The following EXOC6 variants were observed in gnomAD, a reference collection of about 807,000 sequenced individuals.
EXOC6 encodes the protein exocyst complex component 6.
A neutral mutation model predicts 112.5 loss-of-function variants in EXOC6; 60 were observed. The observed-to-expected ratio is 0.53, with a 90% CI of 0.43 to 0.66. The LOEUF is 0.66. Among genes scored for constraint, EXOC6 ranks in the 30% least tolerant of loss-of-function variants. The pLI is 0.00. For synonymous variants in EXOC6, 295 were observed against 308.0 expected, an observed-to-expected ratio of 0.96 and a Z score of 0.44; for missense variants, 855 against 957.1, an observed-to-expected ratio of 0.89 and a Z score of 1.41.
At chr10:92,872,133 T>C (rs1848481120) in intron 1 of EXOC6, among the ~76,000 whole-genome samples, 1 of 152,156 alleles carries the variant, frequency 6.6e-6, no homozygotes, top group Non-Finnish European at 1.5e-5. Context: ...GACGTTATTA[T>C]TTAATGCTGT....
intron 13 of EXOC6, among the ~76,000 whole-genome samples, chr10:92,947,680 C>G (rs1282929162): frequency 6.6e-6 from 1 of 152,262 alleles, no homozygotes; most frequent in South Asian, 2.1e-4. Context: ...GAGGCCGAGG[C>G]AGGCAGATCA....
intron 9 of EXOC6, 54 bp from the exon 10 acceptor site, chr10:92,934,090 C>T (rs1852218090): frequency 9.0e-7 from 1 of 1,106,844 alleles, no homozygotes; most frequent in Non-Finnish European, 1.3e-6. Context: ...TGGAACTTAC[C>T]TTTATGTTAC....
intron 1 of EXOC6, among the ~76,000 whole-genome samples, chr10:92,876,889 TC>T (rs1201222847): frequency 6.6e-6 from 1 of 152,208 alleles, no homozygotes; most frequent in Non-Finnish European, 1.5e-5. Context: ...TTTCCTACTT[TC>T]CCTTTTCATT....
intron 5 of EXOC6, among the ~76,000 whole-genome samples, chr10:92,903,081 T>C (rs1850260423): frequency 6.6e-6 from 1 of 152,148 alleles, no homozygotes; most frequent in African/African-American, 2.4e-5. Flanking sequence ...AGTGATAACA[T>C]AAATGAATGC....
At chr10:92,989,415 A>G (rs1405975173) in intron 18 of EXOC6, among the ~76,000 whole-genome samples, 2 of 152,182 alleles carry the variant, frequency 1.3e-5, no homozygotes, top group Admixed American at 1.3e-4. Flanking sequence ...TAAAGATGAT[A>G]CCAGTACTGA....
At chr10:92,835,628 CAGAA>C (rs1846636282) in intron 1 of EXOC6, among the ~76,000 whole-genome samples, 1 of 152,032 alleles carries the variant, frequency 6.6e-6, no homozygotes, top group Non-Finnish European at 1.5e-5. Context: ...TCTTCATTCT[CAGAA>C]AGACCCCAGG....
Position 92,885,789 on chromosome 10 carries a change from A to AC in EXOC6, c.102-7552dup, listed in dbSNP as rs533985567. Among the ~76,000 whole-genome samples the AC allele has an allele frequency of 8.3e-4, 125 of 150,554 alleles. No individual in the cohort carries two copies. In the East Asian group the frequency reaches 0.016, roughly 19 times the overall value. On this transcript the variant is annotated intron_variant, in intron 1 of 21. Coordinates refer to ENST00000260762, the MANE Select transcript of EXOC6 (RefSeq NM_019053.6). ...GCTTTTGGAAGGGATGACTGAGCTA[A>AC]CCCCCCCCTCTTTTTTACTTTTAAA... is the stretch of plus-strand genomic sequence containing the variant.
intron 19 of EXOC6, among the ~76,000 whole-genome samples, chr10:93,013,369 G>C (rs1844345028): frequency 6.6e-6 from 1 of 152,044 alleles, no homozygotes; most frequent in Non-Finnish European, 1.5e-5. Context: ...ACTTTGGGAG[G>C]CCGAGGCAGG....
At chr10:92,912,935 A>G (rs1850870908) in intron 6 of EXOC6, among the ~76,000 whole-genome samples, 1 of 152,254 alleles carries the variant, frequency 6.6e-6, no homozygotes, top group South Asian at 2.1e-4. Flanking sequence ...AGCTATGAAC[A>G]TCTGCTTTTC....
At chr10:92,956,950 A>G (rs1853725978) in intron 17 of EXOC6, among the ~76,000 whole-genome samples, 1 of 152,096 alleles carries the variant, frequency 6.6e-6, no homozygotes, top group African/African-American at 2.4e-5. Flanking sequence ...ACTGTATGTA[A>G]GTCAGGCTCT....
intron 18 of EXOC6, among the ~76,000 whole-genome samples, chr10:92,995,451 T>C (rs835238): frequency 0.46 from 69,813 of 152,042 alleles, 16,953 homozygotes; most frequent in African/African-American, 0.61. Flanking sequence ...TCAGCTTTTG[T>C]AGTTAGTACA....
intron 1 of EXOC6, among the ~76,000 whole-genome samples, chr10:92,892,613 C>G (rs537134703): frequency 3.3e-5 from 5 of 152,212 alleles, no homozygotes; most frequent in African/African-American, 9.6e-5. Flanking sequence ...AAAGAAGACA[C>G]TTACCAGGCA....
At chr10:92,994,428 AGTT>A (rs1430576934) in intron 18 of EXOC6, among the ~76,000 whole-genome samples, 1 of 152,180 alleles carries the variant, frequency 6.6e-6, no homozygotes, top group Non-Finnish European at 1.5e-5. Flanking sequence ...TCTCTTTGCA[AGTT>A]GTTTTCAGCC....
chr10:93,054,642 A>T (rs1198194563), intron 20 of EXOC6, among the ~76,000 whole-genome samples: 1 of 152,210 alleles, frequency 6.6e-6, no homozygotes, highest in Non-Finnish European at 1.5e-5. Context: ...AAAAGAATCA[A>T]TTCTGTATTC....
At chr10:92,996,320 A>G (rs183138311) in intron 18 of EXOC6, among the ~76,000 whole-genome samples, 1 of 152,338 alleles carries the variant, frequency 6.6e-6, no homozygotes, top group Non-Finnish European at 1.5e-5. Flanking sequence ...AAGAGTTTTT[A>G]TAATATTTTA....
intron 18 of EXOC6, among the ~76,000 whole-genome samples, chr10:92,996,249 A>G (rs1162005506): frequency 6.6e-6 from 1 of 152,218 alleles, no homozygotes; most frequent in African/African-American, 2.4e-5. Context: ...ATGAAATCAC[A>G]TGATTGTCAG....
chr10:92,979,588 T>G (rs2134116465), intron 18 of EXOC6, among the ~76,000 whole-genome samples: 1 of 152,232 alleles, frequency 6.6e-6, no homozygotes, highest in Non-Finnish European at 1.5e-5. Flanking sequence ...CCGAATAATG[T>G]TCGCTTTAAA....
At chr10:92,932,460 T>A (rs1490357278) in intron 9 of EXOC6, among the ~76,000 whole-genome samples, 1 of 152,140 alleles carries the variant, frequency 6.6e-6, no homozygotes, top group Non-Finnish European at 1.5e-5. Context: ...TGTACCTCAA[T>A]AAACTTAACT....
chr10:93,037,129 TC>T (rs1490467162), intron 20 of EXOC6, among the ~76,000 whole-genome samples: 1 of 151,894 alleles, frequency 6.6e-6, no homozygotes, highest in African/African-American at 2.4e-5. Flanking sequence ...TTGCCAAACT[TC>T]CTTTCTTCTT....
Sources: allele counts gnomAD v4.1 joint callset (sites outside exome capture counted in the v4.1 genomes callset), GRCh38; gene constraint gnomAD v4.1.1; transcripts MANE v1.5; gene names NCBI Gene and HGNC (gene_info 2026-07-23, HGNC 2026-07-21).